GSN: variants seen among roughly 807,000 people sequenced by gnomAD.
GSN encodes gelsolin, also known as actin-depolymerizing factor.
A neutral mutation model predicts 85.7 loss-of-function variants in GSN; 56 were observed. The ratio of observed to expected loss-of-function variants is 0.65; its 90% confidence interval spans 0.53 to 0.82. The LOEUF (loss-of-function observed/expected upper bound fraction) is 0.82, where lower values mean the gene tolerates loss of function less well. Ranked by LOEUF, GSN falls within the 40% of genes least tolerant of loss-of-function variation. The pLI is 0.00. For missense variants in GSN, 857 were observed against 979.8 expected (o/e 0.87, Z 1.67); for synonymous variants, 373 against 399.1 (o/e 0.93, Z 0.78).
At chr9:121,228,212 G>C (rs1203149877) in intron 4 of GSN, among the ~76,000 whole-genome samples, 2 of 151,680 alleles carry the variant, frequency 1.3e-5, no homozygotes, top group African/African-American at 4.9e-5. Context: ...TCTGTCCCCA[G>C]CTCCTAGCAC....
intron 14 of GSN, 84 bp from the exon 15 acceptor site, chr9:121,328,807 G>T: frequency 6.9e-7 from 1 of 1,456,230 alleles, no homozygotes; most frequent in Non-Finnish European, 9.5e-7. Flanking sequence ...GGTTGCGCTT[G>T]GGCAGGGCTG....
intron 6 of GSN, among the ~76,000 whole-genome samples, chr9:121,255,178 C>T (rs1188792172): frequency 6.6e-6 from 1 of 152,124 alleles, no homozygotes; most frequent in Admixed American, 6.5e-5. Flanking sequence ...TCCATCTCCT[C>T]ACCTTGTGAT....
chr9:121,240,354 GC>G (rs1564351512), intron 5 of GSN, among the ~76,000 whole-genome samples: 3 of 152,304 alleles, frequency 2.0e-5, no homozygotes, highest in South Asian at 2.1e-4. Context: ...AACAAAGTCT[GC>G]TGTCTGCAAT....
intron 2 of GSN, among the ~76,000 whole-genome samples, chr9:121,288,425 G>A (rs1195005038): frequency 1.3e-5 from 2 of 152,174 alleles, no homozygotes; most frequent in Admixed American, 6.5e-5. Context: ...AGGCTGGTAC[G>A]CAGGGCACAG....
intron 6 of GSN, chr9:121,313,570 A>C (rs546970971): frequency 5.9e-6 from 2 of 338,452 alleles, no homozygotes; most frequent in South Asian, 5.1e-5. Flanking sequence ...GAGAGTGATA[A>C]TCTGTGCCTC....
intron 4 of GSN, among the ~76,000 whole-genome samples, chr9:121,305,885 G>A (rs2060361730): frequency 6.6e-6 from 1 of 152,174 alleles, no homozygotes; most frequent in Non-Finnish European, 1.5e-5. Flanking sequence ...GGAGGAGCAG[G>A]GCTTGTTATG....
At chr9:121,204,682 G>A (rs2053854735), upstream of GSN, among the ~76,000 whole-genome samples, 1 of 152,186 alleles carries the variant, frequency 6.6e-6, no homozygotes, top group Non-Finnish European at 1.5e-5. Context: ...AATAGTCACT[G>A]CAGCACTGTT....
At chr9:121,226,224 G>T (rs2054270317) in intron 4 of GSN, among the ~76,000 whole-genome samples, 2 of 152,262 alleles carry the variant, frequency 1.3e-5, no homozygotes, top group Admixed American at 1.3e-4. Flanking sequence ...AAGTATGCAT[G>T]CTGGATACTG....
At chr9:121,320,517 C>T (rs949591744) in intron 10 of GSN, among the ~76,000 whole-genome samples, 1 of 152,064 alleles carries the variant, frequency 6.6e-6, no homozygotes, top group Non-Finnish European at 1.5e-5. Flanking sequence ...TGGTGGCAGG[C>T]ACCTGTAATC....
chr9:121,233,880 G>T (rs529239588), intron 5 of GSN, among the ~76,000 whole-genome samples: 7 of 152,292 alleles, frequency 4.6e-5, no homozygotes, highest in African/African-American at 1.4e-4. Flanking sequence ...CAATTGTTTC[G>T]ATTGGAATTC....
rs143590219 is a variant in GSN, at chr9:121,269,474, G to A, written c.-103+1255G>A. Among the ~76,000 whole-genome samples the A allele has an allele frequency of 2.7e-3, 415 of 152,248 alleles. 2 individuals carry two copies. The highest frequency in any genetic ancestry group is 9.2e-3 in the African/African-American group (384 of 41,532). On this transcript the variant is annotated intron_variant, in intron 1 of 17. Coordinates refer to ENST00000432226, the MANE Select transcript of GSN (RefSeq NM_198252.3). ...GGAGGGACTCTAGCCTCCTTCTTGG[G>A]TGTTCCGTTTACTAAAGGGACAAGC...
intron 1 of GSN, among the ~76,000 whole-genome samples, chr9:121,276,062 C>T (rs1006053262): frequency 2.0e-5 from 3 of 152,164 alleles, no homozygotes; most frequent in Non-Finnish European, 4.4e-5. Context: ...TCACAAGATC[C>T]CCATGGAATT....
At chr9:121,303,298 G>T (rs2060088845) in intron 4 of GSN, among the ~76,000 whole-genome samples, 1 of 152,148 alleles carries the variant, frequency 6.6e-6, no homozygotes, top group Admixed American at 6.5e-5. Context: ...ATGGGGAGAA[G>T]AAAATTCCCC....
At position 121,318,710 on chromosome 9, in the gene GSN, T is replaced by G; in HGVS notation, c.1021T>G (p.Phe341Val). ...EGGETPLFKQ[F>V]FKNWRDPDQT... ...CGGTGAGACCCCACTGTTCAAGCAG[T>G]TCTTCAAGAACTGGCGGGACCCAGA... Residue 341 changes from phenylalanine (F) to valine (V), a missense_variant, in exon 10 of 18, where the codon TTC becomes GTC. By Grantham distance (50) the Phe-to-Val change is conservative. Transcript: ENST00000432226. This position sits in a 1 kb window ranked among gnomAD's most constrained non-coding sequence, Gnocchi z 4.3. 1 of 1,614,022 alleles carries G rather than the reference T, an allele frequency of 6.2e-7. No homozygotes were observed. Among genetic ancestry groups the G allele is most frequent in the Non-Finnish European group, 8.5e-7 (1 of 1,179,910 alleles).
chr9:121,242,494 A>C (rs76498109), intron 5 of GSN, among the ~76,000 whole-genome samples: 1 of 64,316 alleles, frequency 1.6e-5, no homozygotes, highest in East Asian at 1.3e-3. Context: ...GGGGCTAGAC[A>C]GGGGAAAGCC....
Position 121,261,457 on chromosome 9 carries a change from C to T in GSN, c.-340-3697C>T, listed in dbSNP as rs1475476584. ...TGGCTTTGGAGCAAAACCTGGGTTCCAGTCCCAGCTCTGCCATTCCCTAGT... is the reference window on the plus strand; with the variant it reads ...TGGCTTTGGAGCAAAACCTGGGTTCTAGTCCCAGCTCTGCCATTCCCTAGT... On this transcript the variant is annotated intron_variant, in intron 6 of 24. Coordinates refer to the GSN transcript ENST00000373823. This position sits in a 1 kb window ranked among gnomAD's most constrained non-coding sequence, Gnocchi z 4.1. 6.6e-6 allele frequency among the ~76,000 whole-genome samples: 1 copy of T among 152,264 alleles called. No individual in the cohort carries two copies. Among genetic ancestry groups the T allele is most frequent in the Non-Finnish European group, 1.5e-5 (1 of 68,050 alleles).
chr9:121,203,607 T>A (rs954426901), upstream of GSN, among the ~76,000 whole-genome samples: 3 of 152,224 alleles, frequency 2.0e-5, no homozygotes, highest in African/African-American at 7.2e-5. Context: ...GGTTCTGCCA[T>A]GAACAAGTGA....
At chr9:121,228,569 G>A (rs1228383121) in intron 4 of GSN, among the ~76,000 whole-genome samples, 1 of 150,928 alleles carries the variant, frequency 6.6e-6, no homozygotes, top group Non-Finnish European at 1.5e-5. Flanking sequence ...AGGTAGCTGG[G>A]ACTACAGGTG....
At position 121,289,879 on chromosome 9, in the gene GSN, T is replaced by C. The variant is rs564979655; in HGVS notation, c.-10+8317T>C. 2.6e-5 allele frequency among the ~76,000 whole-genome samples: 4 copies of C among 152,216 alleles called. No homozygotes were observed. In the South Asian group the frequency reaches 6.2e-4, roughly 24 times the overall value. On this transcript the variant is annotated intron_variant, in intron 2 of 17. Transcript: ENST00000432226. ...ACTCAGGAGTCCTGACTTCTTTCTG[T>C]CTGCACCGAGGTCTGCAGAAGGGAT...
Sources: allele counts gnomAD v4.1 joint callset (sites outside exome capture counted in the v4.1 genomes callset), GRCh38; gene constraint gnomAD v4.1.1; non-coding constraint Gnocchi (gnomAD v3.1); transcripts MANE v1.5; gene names NCBI Gene and HGNC (gene_info 2026-07-23, HGNC 2026-07-21).